MUCL1: variants seen among roughly 807,000 people sequenced by gnomAD.
The protein encoded by MUCL1 is mucin-like protein 1.
In MUCL1, 11 loss-of-function variants were observed where a neutral mutation model predicts 9.2. That is an observed-to-expected ratio of 1.19 (90% CI 0.75 to 1.97). The LOEUF is 1.97. MUCL1 is among the 30% of genes most tolerant of loss of function. The pLI is 0.00. For missense variants in MUCL1, 144 were observed against 110.9 expected (o/e 1.30, Z -1.34); for synonymous variants, 48 against 40.5 (o/e 1.19, Z -0.71).
At chr12:54,856,013 TC>T (rs796116940) in intron 2 of MUCL1, among the ~76,000 whole-genome samples, 66 of 152,364 alleles carry the variant, frequency 4.3e-4, no homozygotes, top group African/African-American at 1.5e-3. Flanking sequence ...GGGGCCTGAC[TC>T]TTGATCCTTA....
chr12:54,853,507 C>T (rs1868271435), upstream of MUCL1, among the ~76,000 whole-genome samples: 1 of 152,170 alleles, frequency 6.6e-6, no homozygotes. Flanking sequence ...TGACCATTTC[C>T]TTTCCGTTGC....
At chr12:54,833,830 G>T (rs1292431758) in intron 1 of MUCL1, among the ~76,000 whole-genome samples, 1 of 149,836 alleles carries the variant, frequency 6.7e-6, no homozygotes, top group African/African-American at 2.5e-5. Context: ...GTGGGGTTGG[G>T]GGAGGGGGGA....
chr12:54,852,891 T>C (rs545597525), upstream of MUCL1, among the ~76,000 whole-genome samples: 103 of 152,280 alleles, frequency 6.8e-4, 1 homozygote, highest in African/African-American at 1.4e-3. Flanking sequence ...GAATATGTGT[T>C]TTTTTCTTAG....
intron 1 of MUCL1, among the ~76,000 whole-genome samples, chr12:54,842,284 A>G (rs1959216097): frequency 6.7e-6 from 1 of 148,234 alleles, no homozygotes; most frequent in Non-Finnish European, 1.5e-5. Context: ...TGTTTGCTGC[A>G]TATATATATA....
chr12:54,856,929 T>C (rs1044583366), intron 3 of MUCL1, 37 bp downstream of exon 3: 1 of 1,612,974 alleles, frequency 6.2e-7, no homozygotes, highest in Non-Finnish European at 8.5e-7. Flanking sequence ...TTCCTTTATG[T>C]GGCTCCTTGA....
At chr12:54,854,982 T>C in intron 1 of MUCL1, 134 bp from the exon 2 acceptor site, 1 of 734,252 alleles carries the variant, frequency 1.4e-6, no homozygotes. Flanking sequence ...GTGCACTTGT[T>C]CTTCCTCAAC....
intron 1 of MUCL1, among the ~76,000 whole-genome samples, chr12:54,847,364 C>T (rs1959271742): frequency 6.6e-6 from 1 of 152,160 alleles, no homozygotes; most frequent in Non-Finnish European, 1.5e-5. Flanking sequence ...GCCTGTAATC[C>T]CAGCACTTTG....
At chr12:54,853,603 C>T (rs1357314319), upstream of MUCL1, among the ~76,000 whole-genome samples, 1 of 152,146 alleles carries the variant, frequency 6.6e-6, no homozygotes, top group African/African-American at 2.4e-5. Context: ...CTTTTTTGGT[C>T]ACCTTATATA....
chr12:54,850,618 A>T (rs959370299), upstream of MUCL1, among the ~76,000 whole-genome samples: 1 of 152,158 alleles, frequency 6.6e-6, no homozygotes, highest in African/African-American at 2.4e-5. Context: ...TGCAATAAAC[A>T]TACGTGTGCA....
intron 1 of MUCL1, among the ~76,000 whole-genome samples, chr12:54,845,686 T>A (rs1959244262): frequency 6.6e-6 from 1 of 152,108 alleles, no homozygotes; most frequent in South Asian, 2.1e-4. Flanking sequence ...CAAAAACAAC[T>A]CATGATTTGG....
Position 54,854,595 on chromosome 12 carries a change from G to A in MUCL1, c.13G>A (p.Ala5Thr). Residue 5 changes from alanine (A) to threonine (T), a missense_variant, in exon 1 of 4, where the codon GCA becomes ACA. Coordinates refer to ENST00000308796, the MANE Select transcript of MUCL1 (RefSeq NM_058173.3). ...TCAGGTCACCACCATGAAGTTCTTAGCAGTCCTGGTACTCTTGGGAGTTTC... is the reference window on the plus strand; with the variant it reads ...TCAGGTCACCACCATGAAGTTCTTAACAGTCCTGGTACTCTTGGGAGTTTC... MKFL[A>T]VLVLLGVSIF... The A allele has an allele frequency of 1.2e-6, 2 of 1,613,414 alleles. No homozygotes were observed. Among genetic ancestry groups the A allele is most frequent in the Non-Finnish European group, 1.7e-6 (2 of 1,179,590 alleles).
upstream of MUCL1, among the ~76,000 whole-genome samples, chr12:54,837,658 A>G (rs1236390434): frequency 6.6e-6 from 1 of 152,012 alleles, no homozygotes; most frequent in Non-Finnish European, 1.5e-5. Context: ...AGTCCCAGCT[A>G]CTCGGGAGGC....
intron 1 of MUCL1, among the ~76,000 whole-genome samples, chr12:54,840,442 T>C (rs1959205210): frequency 6.6e-6 from 1 of 152,218 alleles, no homozygotes; most frequent in African/African-American, 2.4e-5. Context: ...TAATGGACTG[T>C]GTCAGTTGGC....
chr12:54,849,565 G>A (rs1042944338), upstream of MUCL1, among the ~76,000 whole-genome samples: 10 of 152,042 alleles, frequency 6.6e-5, no homozygotes, highest in Admixed American at 2.6e-4. Flanking sequence ...CTAGTATATA[G>A]TGTATACATA....
chr12:54,842,473 G>T (rs1017901059), intron 1 of MUCL1, among the ~76,000 whole-genome samples: 1 of 152,072 alleles, frequency 6.6e-6, no homozygotes, highest in African/African-American at 2.4e-5. Context: ...ATTAGCATAT[G>T]CATTACCTCA....
At chr12:54,830,839 A>C (rs1036455570) in exon 1 of MUCL1, 1 of 152,170 alleles carries the variant, frequency 6.6e-6, no homozygotes, top group Non-Finnish European at 1.5e-5. Flanking sequence ...AACAGAAAAA[A>C]AACTTTGGAA....
At chr12:54,845,078 A>T (rs576536822) in intron 1 of MUCL1, among the ~76,000 whole-genome samples, 2 of 152,352 alleles carry the variant, frequency 1.3e-5, no homozygotes, top group South Asian at 4.1e-4. Context: ...TTGGTCTCAG[A>T]TGACATTAAG....
chr12:54,858,355 T>A lies in MUCL1; in HGVS notation c.*113T>A. 3 of 1,313,040 alleles carry A rather than the reference T, an allele frequency of 2.3e-6. No homozygotes were observed. In the South Asian group the frequency reaches 3.8e-5, roughly 16 times the overall value. 81.3% of individuals were successfully genotyped at this position (1,313,040 alleles called of 1,614,324 possible). A position where few individuals can be genotyped will look rare whatever the true frequency, so the allele number is the denominator to read the frequency against. On this transcript the variant is annotated 3_prime_UTR_variant, in exon 4 of 4. Coordinates refer to ENST00000308796, the MANE Select transcript of MUCL1 (RefSeq NM_058173.3). ...TCCCCTTTATCTCTAATCAGTTTAT[T>A]TTCTTTCAAATAAAAAATAACTATG...
At chr12:54,834,296 G>T (rs1465813263) in intron 1 of MUCL1, among the ~76,000 whole-genome samples, 1 of 151,826 alleles carries the variant, frequency 6.6e-6, no homozygotes, top group East Asian at 1.9e-4. Context: ...CCTTTTATAT[G>T]AATCTTGAAT....
Sources: gnomAD v4.1 joint callset for allele counts (sites outside exome capture counted in the v4.1 genomes callset) on GRCh38, gnomAD v4.1.1 for gene constraint, MANE v1.5 for transcripts, NCBI Gene and HGNC (gene_info 2026-07-23, HGNC 2026-07-21) for gene names.